EDIL3: variants seen among roughly 807,000 people sequenced by gnomAD.
EDIL3 encodes EGF-like repeat and discoidin I-like domain-containing protein 3.
EDIL3 carries 37 observed loss-of-function variants against 67.4 expected under a neutral mutation model. The observed-to-expected ratio is 0.55, with a 90% CI of 0.42 to 0.72. The LOEUF (loss-of-function observed/expected upper bound fraction) is 0.72. Ranked by LOEUF, EDIL3 falls within the 30% of genes least tolerant of loss-of-function variation. The pLI, the probability that EDIL3 is intolerant of heterozygous loss-of-function variation, is 0.00. For synonymous variants in EDIL3, 195 were observed against 196.3 expected, an observed-to-expected ratio of 0.99 and a Z score of 0.05; for missense variants, 527 against 586.3, an observed-to-expected ratio of 0.90 and a Z score of 1.04.
Position 84,267,537 on chromosome 5 carries a change from T to G in EDIL3, c.68-13325A>C, listed in dbSNP as rs760558275. Among the ~76,000 whole-genome samples, 34 of 152,264 alleles carry G rather than the reference T, an allele frequency of 2.2e-4. No individual in the cohort carries two copies. The South Asian group carries it at 7.1e-3, about 32-fold the overall frequency. ...TTCCATACTGAGTTTTATTTGAGTA[T>G]TACAAAAGGAACCCATCTATGGCTT... is the stretch of plus-strand genomic sequence containing the variant. On this transcript the variant is annotated intron_variant, in intron 1 of 10. Transcript: ENST00000296591.
intron 1 of EDIL3, among the ~76,000 whole-genome samples, chr5:84,370,473 G>A (rs937967503): frequency 6.6e-6 from 1 of 152,100 alleles, no homozygotes; most frequent in African/African-American, 2.4e-5. Context: ...AGGGCACTGC[G>A]GCAATTAGTA....
At chr5:84,233,027 A>C (rs1744613127) in intron 2 of EDIL3, among the ~76,000 whole-genome samples, 1 of 152,224 alleles carries the variant, frequency 6.6e-6, no homozygotes, top group Non-Finnish European at 1.5e-5. Flanking sequence ...AATAAAAATC[A>C]GAGTCTATGG....
chr5:83,949,578 T>G (rs1229257771), intron 10 of EDIL3, among the ~76,000 whole-genome samples: 1 of 151,902 alleles, frequency 6.6e-6, no homozygotes, highest in African/African-American at 2.4e-5. Context: ...AGACACATCT[T>G]AATCTTGAGT....
intron 9 of EDIL3, among the ~76,000 whole-genome samples, chr5:83,984,145 T>G (rs943648284): frequency 6.6e-6 from 1 of 151,928 alleles, no homozygotes; most frequent in Admixed American, 6.6e-5. Context: ...TGATTAAATT[T>G]CAGGGACCCA....
At chr5:84,313,536 C>A (rs74676123) in intron 1 of EDIL3, among the ~76,000 whole-genome samples, 1 of 152,286 alleles carries the variant, frequency 6.6e-6, no homozygotes, top group East Asian at 1.9e-4. Flanking sequence ...GTCATTAAGT[C>A]TTCCTGATAT....
chr5:84,139,583 C>T (rs897099839), intron 4 of EDIL3, among the ~76,000 whole-genome samples: 14 of 152,184 alleles, frequency 9.2e-5, no homozygotes, highest in Admixed American at 5.9e-4. Flanking sequence ...GGAACATGCC[C>T]AATATGTCTT....
chr5:84,198,442 C>A (rs187456024), intron 3 of EDIL3, among the ~76,000 whole-genome samples: 161 of 151,958 alleles, frequency 1.1e-3, no homozygotes, highest in African/African-American at 3.6e-3. Context: ...TGTAGTGAAG[C>A]CATATATATG....
intron 9 of EDIL3, among the ~76,000 whole-genome samples, chr5:84,058,316 G>C (rs1022040821): frequency 6.6e-6 from 1 of 151,830 alleles, no homozygotes; most frequent in Non-Finnish European, 1.5e-5. Flanking sequence ...TTTTAAACAG[G>C]AGAGTAAGAG....
At chr5:84,016,036 CTCCT>C (rs1377788542) in intron 9 of EDIL3, among the ~76,000 whole-genome samples, 4 of 152,130 alleles carry the variant, frequency 2.6e-5, no homozygotes, top group Non-Finnish European at 5.9e-5. Context: ...GCTCCTCTCC[CTCCT>C]CCCACCACCC....
chr5:84,329,058 A>G (rs528507919), intron 1 of EDIL3, among the ~76,000 whole-genome samples: 1 of 152,216 alleles, frequency 6.6e-6, no homozygotes, highest in African/African-American at 2.4e-5. Flanking sequence ...AAGTATCCCC[A>G]TTTTATAAAT....
chr5:84,097,649 C>T (rs1203339916), intron 6 of EDIL3, among the ~76,000 whole-genome samples: 1 of 151,890 alleles, frequency 6.6e-6, no homozygotes, highest in African/African-American at 2.4e-5. Context: ...GTGTAGAGTA[C>T]ACATTCATGA....
chr5:84,247,226 G>A (rs967140299), intron 2 of EDIL3, among the ~76,000 whole-genome samples: 13 of 151,930 alleles, frequency 8.6e-5, no homozygotes, highest in East Asian at 7.7e-4. Context: ...AAACCACCCC[G>A]ACAACTACTC....
chr5:84,359,204 C>T (rs1747548649), intron 1 of EDIL3, among the ~76,000 whole-genome samples: 1 of 152,088 alleles, frequency 6.6e-6, no homozygotes, highest in East Asian at 1.9e-4. Flanking sequence ...AAAACATTAC[C>T]ACACGTATCT....
At chr5:84,242,377 C>T (rs904762903) in intron 2 of EDIL3, among the ~76,000 whole-genome samples, 6 of 152,186 alleles carry the variant, frequency 3.9e-5, no homozygotes, top group African/African-American at 1.2e-4. Context: ...GATTTCAACT[C>T]AGCCTGGCTA....
At chr5:84,306,745 T>A (rs1006079851) in intron 1 of EDIL3, among the ~76,000 whole-genome samples, 1 of 152,218 alleles carries the variant, frequency 6.6e-6, no homozygotes, top group Admixed American at 6.5e-5. Context: ...CCTGAATAAG[T>A]CATTTCCTAA....
chr5:83,961,092 C>T (rs962715675), intron 10 of EDIL3, among the ~76,000 whole-genome samples: 2 of 150,904 alleles, frequency 1.3e-5, no homozygotes, highest in African/African-American at 4.8e-5. Flanking sequence ...TAATATCACA[C>T]AAAATAGATT....
intron 1 of EDIL3, among the ~76,000 whole-genome samples, chr5:84,376,507 C>T (rs1747971999): frequency 6.6e-6 from 1 of 152,118 alleles, no homozygotes. Context: ...TACTTTATAT[C>T]CTGCCTGCAC....
At position 84,270,689 on chromosome 5, in the gene EDIL3, C is replaced by T. The variant is rs150485169; in HGVS notation, c.68-16477G>A. On this transcript the variant is annotated intron_variant, in intron 1 of 10. Coordinates refer to ENST00000296591, the MANE Select transcript of EDIL3 (RefSeq NM_005711.5). Reference sequence around the variant, plus strand: ...AAGCACTTTATAAGATATTATCTCTCATGAACTTCACAATCATCATAGGCC... The same window carrying T: ...AAGCACTTTATAAGATATTATCTCTTATGAACTTCACAATCATCATAGGCC... Among the ~76,000 whole-genome samples the T allele has an allele frequency of 2.0e-3, 307 of 152,260 alleles. 2 individuals are homozygous for T. The highest frequency in any genetic ancestry group is 6.8e-3 in the African/African-American group (283 of 41,556).
At chr5:84,279,193 C>T (rs1745649200) in intron 1 of EDIL3, among the ~76,000 whole-genome samples, 1 of 152,122 alleles carries the variant, frequency 6.6e-6, no homozygotes, top group South Asian at 2.1e-4. Flanking sequence ...TTATAAAGGT[C>T]ATTAAGTCCA....
Sources: allele counts gnomAD v4.1 joint callset (sites outside exome capture counted in the v4.1 genomes callset), GRCh38; gene constraint gnomAD v4.1.1; transcripts MANE v1.5; gene names NCBI Gene and HGNC (gene_info 2026-07-23, HGNC 2026-07-21).